The following COA8 variants were observed in gnomAD, a reference collection of about 807,000 sequenced individuals.
COA8 encodes the protein UPF0671 protein C14orf153.
Under a neutral mutation model 22.0 loss-of-function variants are expected in COA8, and 20 were observed. The ratio of observed to expected loss-of-function variants is 0.91; its 90% confidence interval spans 0.64 to 1.32. COA8 has a LOEUF of 1.32. Ranked by LOEUF, COA8 falls within the 40% of genes most tolerant of loss-of-function variation. The pLI, the probability that COA8 is intolerant of heterozygous loss-of-function variation, is 0.00. For missense variants in COA8, 266 were observed against 230.0 expected, an observed-to-expected ratio of 1.16 and a Z score of -1.01; for synonymous variants, 105 against 79.9, an observed-to-expected ratio of 1.31 and a Z score of -1.68.
intron 3 of COA8, among the ~76,000 whole-genome samples, chr14:103,580,327 G>A (rs1171584883): frequency 6.6e-6 from 1 of 151,522 alleles, no homozygotes; most frequent in Non-Finnish European, 1.5e-5. Context: ...TTTATTTTTC[G>A]AGATGGAGTA....
intron 3 of COA8, chr14:103,574,712 C>T (rs1408501273): frequency 6.7e-6 from 2 of 300,222 alleles, no homozygotes; most frequent in Non-Finnish European, 1.3e-5. Flanking sequence ...AATAAAGGGC[C>T]AGGAGCTTGA....
chr14:103,571,565 A>C, intron 1 of COA8, 58 bp from the exon 2 acceptor site: 1 of 1,458,080 alleles, frequency 6.9e-7, no homozygotes, highest in South Asian at 1.2e-5. Context: ...CAGATTGTAC[A>C]TTTTATAATA....
chr14:103,575,500 G>A (rs747411056), intron 3 of COA8, among the ~76,000 whole-genome samples: 5 of 152,176 alleles, frequency 3.3e-5, no homozygotes, highest in African/African-American at 7.2e-5. Context: ...GGCAGCAGGC[G>A]TGTCACCTTG....
At chr14:103,576,397 C>T (rs908619924) in intron 3 of COA8, among the ~76,000 whole-genome samples, 4 of 152,178 alleles carry the variant, frequency 2.6e-5, no homozygotes, top group Non-Finnish European at 5.9e-5. Context: ...ATATAACAGA[C>T]TCACCATTAT....
intron 1 of COA8, among the ~76,000 whole-genome samples, chr14:103,571,240 G>T (rs545244061): frequency 7.3e-4 from 111 of 152,068 alleles, no homozygotes; most frequent in African/African-American, 2.7e-3. Context: ...GTGGTGATGG[G>T]CGCCTGTAGT....
rs766094324 is a variant in COA8 at position 103,574,102 on chromosome 14, T to C, written c.322-5T>C. On this transcript the variant is annotated splice_region_variant and splice_polypyrimidine_tract_variant and intron_variant, in intron 2 of 4. Coordinates refer to ENST00000409074, the MANE Select transcript of COA8 (RefSeq NM_001370595.2). ...CCTTTTTTTTTTTTTTTTTTTTTTT[T>C]TAAGGAAAAAGAAGAATTTATTCAC... 3 of 1,530,380 alleles carry C rather than the reference T, an allele frequency of 2.0e-6. No individual in the cohort carries two copies. The allele number at this position is 1,530,380 out of a possible 1,614,324, so 94.8% of individuals were successfully genotyped here. A position where few individuals can be genotyped will look rare whatever the true frequency, so the allele number is the denominator to read the frequency against.
intron 2 of COA8, among the ~76,000 whole-genome samples, chr14:103,572,763 TC>T (rs2076197517): frequency 6.6e-6 from 1 of 150,826 alleles, no homozygotes; most frequent in Non-Finnish European, 1.5e-5. Flanking sequence ...TTGTCATTCT[TC>T]CTGAGAATTC....
At chr14:103,563,896 C>A (rs2076113558) in intron 1 of COA8, among the ~76,000 whole-genome samples, 1 of 152,210 alleles carries the variant, frequency 6.6e-6, no homozygotes, top group Non-Finnish European at 1.5e-5. Flanking sequence ...CCGTGGCTCA[C>A]GCTTGTAATC....
chr14:103,571,175 G>A (rs1440039333), intron 1 of COA8, among the ~76,000 whole-genome samples: 2 of 152,020 alleles, frequency 1.3e-5, no homozygotes, highest in African/African-American at 2.4e-5. Context: ...GCTCCATCCT[G>A]GCTAACAGGG....
chr14:103,580,406 C>T (rs1338630515), intron 3 of COA8, among the ~76,000 whole-genome samples: 2 of 152,014 alleles, frequency 1.3e-5, no homozygotes, highest in East Asian at 3.9e-4. Context: ...CCTCTGGGTT[C>T]AAGCAATTCT....
At chr14:103,569,342 A>G (rs2076163120) in intron 1 of COA8, among the ~76,000 whole-genome samples, 1 of 152,256 alleles carries the variant, frequency 6.6e-6, no homozygotes, top group African/African-American at 2.4e-5. Context: ...CATCTCTCAC[A>G]TTATAATGGC....
At chr14:103,582,737 C>CTTTTTTTT (rs61102383) in intron 3 of COA8, among the ~76,000 whole-genome samples, 2,270 of 120,742 alleles carry the variant, frequency 0.019, 184 homozygotes, top group African/African-American at 0.069. Flanking sequence ...TTCACCCTGC[C>CTTTTTTTT]TTTTTTTTTT....
intron 3 of COA8, among the ~76,000 whole-genome samples, chr14:103,582,194 G>A (rs1308529416): frequency 6.6e-6 from 1 of 152,152 alleles, no homozygotes; most frequent in African/African-American, 2.4e-5. Flanking sequence ...TCGGGGACTG[G>A]GGCTGCTAAG....
Position 103,563,026 on chromosome 14 carries a change from A to G in COA8, c.25A>G (p.Lys9Glu). MVVLRAGK[K>E]TFLPPLCRAF... ...CATGGTGGTCTTGCGGGCGGGGAAG[A>G]AGACCTTTCTCCCCCCTCTCTGCCG... is the stretch of plus-strand genomic sequence containing the variant. The change falls in exon 1 of 5, where the codon AAG becomes GAG. Residue 9 changes from lysine to glutamate, a missense_variant. Physicochemically the swap from Lys to Glu is moderately conservative, Grantham distance 56 (BLOSUM62 1). Transcript: ENST00000409074. 2 of 1,555,558 alleles carry G rather than the reference A, an allele frequency of 1.3e-6. No homozygotes were observed. The highest frequency in any genetic ancestry group is 2.3e-5 in the East Asian group (1 of 42,982).
At chr14:103,574,030 G>A (rs1566980586) in intron 2 of COA8, 77 bp from the exon 3 acceptor site, 2 of 1,471,950 alleles carry the variant, frequency 1.4e-6, no homozygotes, top group Non-Finnish European at 1.8e-6. Flanking sequence ...CGTGAGCTGT[G>A]CTCTAGCCAA....
chr14:103,568,458 T>C (rs1015866919), intron 1 of COA8, among the ~76,000 whole-genome samples: 1 of 151,344 alleles, frequency 6.6e-6, no homozygotes, highest in Non-Finnish European at 1.5e-5. Context: ...CACACATACA[T>C]ACATACATAC....
intron 3 of COA8, among the ~76,000 whole-genome samples, chr14:103,583,565 AAG>A (rs1491307218): frequency 1.1e-4 from 16 of 150,144 alleles, no homozygotes; most frequent in African/African-American, 3.7e-4. Context: ...AAAAAAAAAA[AAG>A]AGTCTTTTTT....
At chr14:103,568,556 TAC>T (rs758113538) in intron 1 of COA8, among the ~76,000 whole-genome samples, 30 of 142,758 alleles carry the variant, frequency 2.1e-4, no homozygotes, top group Middle Eastern at 3.6e-3. Context: ...TGTACACATA[TAC>T]ACACATATAT....
intron 3 of COA8, among the ~76,000 whole-genome samples, chr14:103,577,342 G>T (rs1429104108): frequency 6.6e-6 from 1 of 151,918 alleles, no homozygotes; most frequent in Non-Finnish European, 1.5e-5. Context: ...TCCCAAAGTG[G>T]TGGGATTACA....
Sources: allele counts gnomAD v4.1 joint callset (sites outside exome capture counted in the v4.1 genomes callset), GRCh38; gene constraint gnomAD v4.1.1; transcripts MANE v1.5; gene names NCBI Gene and HGNC (gene_info 2026-07-23, HGNC 2026-07-21).